The following TLL2 variants were observed in gnomAD, a reference collection of about 807,000 sequenced individuals.
TLL2 encodes the protein tolloid-like protein 2.
TLL2 carries 106 observed loss-of-function variants against 123.0 expected under a neutral mutation model. The observed-to-expected ratio is 0.86, with a 90% CI of 0.74 to 1.01. The LOEUF (loss-of-function observed/expected upper bound fraction) is 1.01. Ranked by LOEUF, TLL2 falls within the 50% of genes least tolerant of loss-of-function variation. TLL2 has a pLI of 0.00. For synonymous variants in TLL2, 494 were observed against 516.8 expected (o/e 0.96, Z 0.60); for missense variants, 1,332 against 1,336.7 (o/e 1.00, Z 0.06).
chr10:96,426,590 C>T (rs1846679711), intron 5 of TLL2, among the ~76,000 whole-genome samples: 1 of 152,154 alleles, frequency 6.6e-6, no homozygotes, highest in Non-Finnish European at 1.5e-5. Context: ...ATTCAAAGTT[C>T]TTGGTCTGTA....
chr10:96,405,874 C>A (rs1589414137), intron 9 of TLL2, among the ~76,000 whole-genome samples: 1 of 152,170 alleles, frequency 6.6e-6, no homozygotes. Flanking sequence ...GTTTGTTGAC[C>A]ACCTTCTGAG....
chr10:96,507,543 C>T (rs1847589638), intron 1 of TLL2, among the ~76,000 whole-genome samples: 1 of 152,126 alleles, frequency 6.6e-6, no homozygotes, highest in Admixed American at 6.5e-5. Flanking sequence ...GTGCTGTGAG[C>T]ACCTGCTCTG....
At chr10:96,382,540 G>A (rs1846195358) in intron 16 of TLL2, among the ~76,000 whole-genome samples, 1 of 152,260 alleles carries the variant, frequency 6.6e-6, no homozygotes, top group African/African-American at 2.4e-5. Context: ...GTCCCCCAAA[G>A]TTCATGTGTT....
intron 19 of TLL2, 34 bp downstream of exon 19, chr10:96,373,562 C>G: frequency 6.3e-7 from 1 of 1,595,914 alleles, no homozygotes; most frequent in East Asian, 2.2e-5. Context: ...TCCAAGTGCT[C>G]ATCAGGTGGA....
chr10:96,499,034 G>A (rs1183046106), intron 1 of TLL2, among the ~76,000 whole-genome samples: 4 of 152,188 alleles, frequency 2.6e-5, no homozygotes, highest in African/African-American at 9.7e-5. Flanking sequence ...TGTGACACTG[G>A]AACTGGACCC....
chr10:96,395,339 C>G lies in TLL2; in HGVS notation c.1574G>C (p.Arg525Pro), dbSNP rs772066119. The stretch of plus-strand genomic sequence containing the variant: ...GGCACTCTCTTCCGTGGGGCCATCC[C>G]GGACTTCCAGGTAGTCATATGCACA... ...DSCAYDYLEV[R>P]DGPTEESALI... Residue 525 changes from arginine (R) to proline (P), a missense_variant, in exon 13 of 21, where the codon CGG (arginine) becomes CCG (proline). Arg to Pro is a moderately radical substitution (Grantham distance 103). Transcript: ENST00000357947. The G allele has an allele frequency of 6.2e-7, 1 of 1,611,998 alleles. No individual in the cohort carries two copies. The highest frequency in any genetic ancestry group is 8.5e-7 in the Non-Finnish European group (1 of 1,179,300).
intron 14 of TLL2, 127 bp from the exon 15 acceptor site, chr10:96,386,342 T>A: frequency 1.0e-6 from 1 of 963,346 alleles, no homozygotes; most frequent in Non-Finnish European, 1.5e-6. Flanking sequence ...TTGAACTGAT[T>A]AATTCAGTGT....
At chr10:96,382,013 A>G (rs1846190219) in intron 16 of TLL2, among the ~76,000 whole-genome samples, 2 of 152,224 alleles carry the variant, frequency 1.3e-5, no homozygotes, top group African/African-American at 4.8e-5. Context: ...GACCTGCTAC[A>G]CAGTTTGCAA....
chr10:96,449,311 C>T (rs562867008), intron 2 of TLL2, among the ~76,000 whole-genome samples: 4 of 152,278 alleles, frequency 2.6e-5, no homozygotes, highest in African/African-American at 7.2e-5. Context: ...ACAGAAAGAA[C>T]GAAGAGAACA....
intron 5 of TLL2, among the ~76,000 whole-genome samples, chr10:96,425,259 TTCTCTCTC>T (rs5787184): frequency 0.3 from 43,349 of 144,212 alleles, 6,480 homozygotes; most frequent in Non-Finnish European, 0.36. Flanking sequence ...CATTACTGTT[TTCTCTCTC>T]TCTCTCTCTC....
intron 2 of TLL2, among the ~76,000 whole-genome samples, chr10:96,453,914 G>T (rs1008528479): frequency 2.6e-5 from 4 of 151,822 alleles, no homozygotes; most frequent in African/African-American, 9.7e-5. Flanking sequence ...TCCAAATTTT[G>T]TTCAACATAT....
chr10:96,484,809 A>C (rs897798789), intron 1 of TLL2, among the ~76,000 whole-genome samples: 1 of 152,220 alleles, frequency 6.6e-6, no homozygotes, highest in African/African-American at 2.4e-5. Context: ...TAATCCATCC[A>C]AGCTGTCCAT....
intron 4 of TLL2, 31 bp downstream of exon 4, chr10:96,432,776 C>A: frequency 1.2e-6 from 2 of 1,605,700 alleles, no homozygotes. Context: ...AGCACCCTGA[C>A]CCAAAGCAGA....
chr10:96,402,617 C>T (rs1460100510), intron 10 of TLL2, among the ~76,000 whole-genome samples: 1 of 152,214 alleles, frequency 6.6e-6, no homozygotes, highest in Non-Finnish European at 1.5e-5. Context: ...TCCGCCCTGC[C>T]ACTGTGGGGC....
chr10:96,403,575 A>G (rs543893141), intron 10 of TLL2, among the ~76,000 whole-genome samples: 36 of 152,338 alleles, frequency 2.4e-4, no homozygotes, highest in South Asian at 6.2e-4. Flanking sequence ...CAATAAACCA[A>G]GGGCACAGTG....
chr10:96,391,359 A>G (rs966046722), intron 13 of TLL2, among the ~76,000 whole-genome samples: 2 of 152,232 alleles, frequency 1.3e-5, no homozygotes, highest in African/African-American at 2.4e-5. Flanking sequence ...AGTAGGGAAC[A>G]TGGGACCAGC....
chr10:96,370,818 A>G (rs1846075329), intron 19 of TLL2, among the ~76,000 whole-genome samples: 1 of 152,132 alleles, frequency 6.6e-6, no homozygotes, highest in Non-Finnish European at 1.5e-5. Flanking sequence ...CTCAGACCCT[A>G]AATGACTGGT....
chr10:96,452,751 G>C (rs1049259754), intron 2 of TLL2, among the ~76,000 whole-genome samples: 3 of 152,186 alleles, frequency 2.0e-5, no homozygotes, highest in Non-Finnish European at 4.4e-5. Flanking sequence ...CCGGGGAAGG[G>C]CAATGAATGA....
rs147864417 is a variant in TLL2, at chr10:96,447,335, T to C, written c.287-1167A>G. Among the ~76,000 whole-genome samples the C allele has an allele frequency of 5.3e-5, 8 of 152,316 alleles. No individual in the cohort carries two copies. The East Asian group carries it at 1.5e-3, about 29-fold the overall frequency. ...GGAACCCTGCAGAGGGTTTAAAGCA[T>C]GAGAGGAATGTGTTTTTATCTGTGT... On this transcript the variant is annotated intron_variant, in intron 2 of 20. Transcript: ENST00000357947.
Sources: gnomAD v4.1 joint callset for allele counts (sites outside exome capture counted in the v4.1 genomes callset) on GRCh38, gnomAD v4.1.1 for gene constraint, MANE v1.5 for transcripts, NCBI Gene and HGNC (gene_info 2026-07-23, HGNC 2026-07-21) for gene names.